DAD1: variants seen among roughly 807,000 people sequenced by gnomAD.
DAD1 encodes dolichyl-diphosphooligosaccharide--protein glycosyltransferase subunit DAD1.
DAD1 carries 4 observed loss-of-function variants against 9.0 expected under a neutral mutation model. That is an observed-to-expected ratio of 0.44 (90% CI 0.22 to 1.01). The LOEUF (loss-of-function observed/expected upper bound fraction) is 1.01. DAD1 is among the 50% of genes least tolerant of loss of function. The probability of loss-of-function intolerance (pLI) is 0.24; values close to 1 mark genes in which losing one functional copy is unlikely to be tolerated. For synonymous variants in DAD1, 60 were observed against 62.5 expected, an observed-to-expected ratio of 0.96 and a Z score of 0.19; for missense variants, 119 against 137.3, an observed-to-expected ratio of 0.87 and a Z score of 0.67.
At position 22,569,554 on chromosome 14, in the gene DAD1, A is replaced by G. The variant is rs147449121; in HGVS notation, c.*45-4417T>C. ...GAATGAATAGTTTCATAACAATGTG[A>G]TAAGTGCAGCACTGGAGGAATGCAG... is the stretch of plus-strand genomic sequence containing the variant. On this transcript the variant is annotated intron_variant, in intron 2 of 2. Transcript: ENST00000250498. 5.0e-4 allele frequency among the ~76,000 whole-genome samples: 76 copies of G among 152,354 alleles called. 1 individual carries two copies. The East Asian group carries it at 0.011, about 23-fold the overall frequency.
intron 1 of DAD1, among the ~76,000 whole-genome samples, chr14:22,584,922 G>A (rs1334503835): frequency 6.6e-6 from 1 of 152,252 alleles, no homozygotes; most frequent in Non-Finnish European, 1.5e-5. Flanking sequence ...GATTACAGTA[G>A]TCTTCATAAG....
chr14:22,583,625 A>C (rs2037133199), intron 1 of DAD1, among the ~76,000 whole-genome samples: 1 of 152,132 alleles, frequency 6.6e-6, no homozygotes. Flanking sequence ...TTTTTTTTAA[A>C]TAGACAATAT....
At chr14:22,573,135 C>T (rs1343924389) in intron 2 of DAD1, among the ~76,000 whole-genome samples, 1 of 151,902 alleles carries the variant, frequency 6.6e-6, no homozygotes, top group African/African-American at 2.4e-5. Context: ...ACGTATTCTC[C>T]CCTACTAGAC....
At chr14:22,568,605 C>T (rs1477502939) in intron 2 of DAD1, among the ~76,000 whole-genome samples, 1 of 151,916 alleles carries the variant, frequency 6.6e-6, no homozygotes, top group Admixed American at 6.6e-5. Context: ...AATCCTCTCA[C>T]AACACAGACA....
chr14:22,583,041 C>G (rs2037128487), intron 1 of DAD1, among the ~76,000 whole-genome samples: 1 of 146,944 alleles, frequency 6.8e-6, no homozygotes, highest in Non-Finnish European at 1.5e-5. Context: ...CCAACATTGA[C>G]ACCACGTACT....
chr14:22,571,647 T>TAA (rs1309666177), intron 2 of DAD1, among the ~76,000 whole-genome samples: 6 of 149,072 alleles, frequency 4.0e-5, no homozygotes, highest in African/African-American at 1.5e-4. Context: ...TTTTTTTTTT[T>TAA]TAGAAAACAG....
At chr14:22,582,311 G>A (rs956051642) in intron 1 of DAD1, among the ~76,000 whole-genome samples, 2 of 150,548 alleles carry the variant, frequency 1.3e-5, no homozygotes, top group Non-Finnish European at 3.0e-5. Context: ...TCAGGAGATC[G>A]AGACCATCCT....
At chr14:22,586,661 T>C (rs1005435744) in intron 1 of DAD1, among the ~76,000 whole-genome samples, 4 of 152,122 alleles carry the variant, frequency 2.6e-5, no homozygotes, top group Admixed American at 2.6e-4. Flanking sequence ...CTCCATTCTC[T>C]TGCAACAGGA....
At chr14:22,571,601 T>C (rs1159458073) in intron 2 of DAD1, among the ~76,000 whole-genome samples, 1 of 151,040 alleles carries the variant, frequency 6.6e-6, no homozygotes, top group Non-Finnish European at 1.5e-5. Context: ...GATACATTAG[T>C]TGTAAGATTT....
intron 2 of DAD1, among the ~76,000 whole-genome samples, chr14:22,571,993 C>T (rs2037044518): frequency 6.6e-6 from 1 of 152,080 alleles, no homozygotes; most frequent in African/African-American, 2.4e-5. Flanking sequence ...AGCCTATCCT[C>T]GTGAAATTAT....
intron 2 of DAD1, among the ~76,000 whole-genome samples, chr14:22,571,602 T>C (rs187472709): frequency 1.6e-3 from 248 of 151,056 alleles, no homozygotes; most frequent in African/African-American, 5.8e-3. Context: ...ATACATTAGT[T>C]GTAAGATTTC....
chr14:22,588,581 G>A (rs1290482040), intron 1 of DAD1, among the ~76,000 whole-genome samples: 1 of 152,196 alleles, frequency 6.6e-6, no homozygotes, highest in Non-Finnish European at 1.5e-5. Flanking sequence ...AGGCCAAGAT[G>A]ACAGAGATGA....
intron 1 of DAD1, 73 bp from the exon 2 acceptor site, chr14:22,575,306 T>C (rs2037069046): frequency 6.5e-7 from 1 of 1,527,534 alleles, no homozygotes; most frequent in South Asian, 1.2e-5. Flanking sequence ...AACACAGACA[T>C]ACCCGAGGAC....
chr14:22,580,183 C>T (rs1041881972), intron 1 of DAD1, among the ~76,000 whole-genome samples: 5 of 151,934 alleles, frequency 3.3e-5, no homozygotes, highest in Non-Finnish European at 7.4e-5. Context: ...GTTGTGAAAC[C>T]AAGGTGGGAG....
At chr14:22,577,413 G>A (rs2037084806) in intron 1 of DAD1, among the ~76,000 whole-genome samples, 1 of 152,146 alleles carries the variant, frequency 6.6e-6, no homozygotes, top group Non-Finnish European at 1.5e-5. Context: ...CAGCCTAGGT[G>A]ACAAGAGAGA....
At chr14:22,574,851 T>C (rs190927666) in intron 2 of DAD1, among the ~76,000 whole-genome samples, 1 of 152,324 alleles carries the variant, frequency 6.6e-6, no homozygotes, top group Non-Finnish European at 1.5e-5. Context: ...ACCTTAATGA[T>C]TTGAAGAACA....
intron 2 of DAD1, among the ~76,000 whole-genome samples, chr14:22,571,485 G>A (rs575268345): frequency 2.0e-5 from 3 of 152,032 alleles, no homozygotes; most frequent in Non-Finnish European, 4.4e-5. Context: ...AGGTGTGCAT[G>A]GATTTCTGGG....
At chr14:22,570,567 G>C (rs969317201) in intron 2 of DAD1, among the ~76,000 whole-genome samples, 3 of 152,132 alleles carry the variant, frequency 2.0e-5, no homozygotes, top group African/African-American at 7.2e-5. Flanking sequence ...CCATCCACTA[G>C]GTGGCAGCAA....
intron 1 of DAD1, among the ~76,000 whole-genome samples, chr14:22,576,849 T>C (rs926432714): frequency 2.6e-5 from 4 of 152,160 alleles, no homozygotes; most frequent in African/African-American, 9.7e-5. Flanking sequence ...GATATAGGAA[T>C]GGCCAACAAG....
Sources: allele counts gnomAD v4.1 joint callset (sites outside exome capture counted in the v4.1 genomes callset), GRCh38; gene constraint gnomAD v4.1.1; transcripts MANE v1.5; gene names NCBI Gene and HGNC (gene_info 2026-07-23, HGNC 2026-07-21).